Variants in UTP6 observed in about 807,000 individuals in gnomAD.
UTP6 encodes the protein UTP6 small subunit processome component, also known as U3 small nucleolar RNA-associated protein 6 homolog.
UTP6 carries 60 observed loss-of-function variants against 96.5 expected under a neutral mutation model. That is an observed-to-expected ratio of 0.62 (90% confidence interval 0.51 to 0.77). The LOEUF (loss-of-function observed/expected upper bound fraction) is 0.77. UTP6 is among the 30% of genes least tolerant of loss of function. The pLI is 0.00. For synonymous variants in UTP6, 215 were observed against 240.1 expected (o/e 0.90, Z 0.96); for missense variants, 637 against 706.5 (o/e 0.90, Z 1.12).
chr17:31,899,717 T>C lies in UTP6; in HGVS notation c.106A>G (p.Lys36Glu), dbSNP rs1265526094. 1 of 1,597,720 alleles carries C rather than the reference T, an allele frequency of 6.3e-7. No individual in the cohort carries two copies. Among genetic ancestry groups the C allele is most frequent in the Non-Finnish European group, 8.5e-7 (1 of 1,172,224 alleles). ...SHAEIKAIIK[K>E]ASDLEYKIQR... The stretch of plus-strand genomic sequence containing the variant: ...ATTTTGTACTCTAGATCGGAAGCCT[T>C]CTTAATGATAGCCCTGAGGAGAAAG... Residue 36 changes from lysine to glutamate, a missense_variant, in exon 2 of 19, where the codon AAG becomes GAG. By Grantham distance (56) the Lys-to-Glu change is moderately conservative. Coordinates refer to ENST00000261708, the MANE Select transcript of UTP6 (RefSeq NM_018428.3).
Position 31,863,529 on chromosome 17 carries a change from A to C in UTP6, c.1637-13T>G, listed in dbSNP as rs770494028. On this transcript the variant is annotated splice_polypyrimidine_tract_variant and intron_variant, in intron 18 of 18. Transcript: ENST00000261708. ...TCCATCCAAAGATCTTTTAAAAAAA[A>C]AACATACAATTAGATAACTGACAGA... The C allele has an allele frequency of 6.3e-7, 1 of 1,591,564 alleles. No homozygotes were observed. The highest frequency in any genetic ancestry group is 8.5e-7 in the Non-Finnish European group (1 of 1,171,216).
intron 16 of UTP6, among the ~76,000 whole-genome samples, chr17:31,871,088 C>A (rs908422856): frequency 4.5e-4 from 68 of 151,362 alleles, no homozygotes; most frequent in African/African-American, 1.6e-3. Flanking sequence ...CTCCCAGGTT[C>A]ACGCCATGCT....
chr17:31,885,956 A>C, intron 9 of UTP6, 24 bp downstream of exon 9: 2 of 1,591,898 alleles, frequency 1.3e-6, no homozygotes, highest in Non-Finnish European at 1.7e-6. Context: ...TTCCTACCAA[A>C]AATAATGTTC....
In UTP6 at chr17:31,878,721, C is replaced by T; in HGVS notation, c.1028G>A (p.Ser343Asn). 6.2e-7 allele frequency: 1 copy of T among 1,614,156 alleles called. No individual in the cohort carries two copies. Residue 343 changes from serine (S) to asparagine (N), a missense_variant, in exon 12 of 19, where the codon AGT (serine) becomes AAT (asparagine). Coordinates refer to ENST00000261708, the MANE Select transcript of UTP6 (RefSeq NM_018428.3). Reference protein sequence around the residue: ...CLERFTKKSNSGFLRGKRLER... With the variant: ...CLERFTKKSNNGFLRGKRLER... The stretch of plus-strand genomic sequence containing the variant: ...CCTCACCTTCCCTCTAAGGAACCCA[C>T]TATTTGACTTCTTAGTAAATCTTTC...
At position 31,878,239 on chromosome 17, in the gene UTP6, T is replaced by C. The variant is rs2142301804; in HGVS notation, c.1125+11A>G. On this transcript the variant is annotated intron_variant, in intron 13 of 18. Coordinates refer to ENST00000261708, the MANE Select transcript of UTP6 (RefSeq NM_018428.3). ...TGTAACTGGCACAGAATATTTTCTC[T>C]ATGTTCTTACCAACTGCTTGTATTG... The C allele has an allele frequency of 1.2e-6, 2 of 1,613,584 alleles. No individual in the cohort carries two copies. The highest frequency in any genetic ancestry group is 1.7e-6 in the Non-Finnish European group (2 of 1,179,542).
chr17:31,870,118 A>C (rs1181060508), intron 16 of UTP6, among the ~76,000 whole-genome samples: 1 of 152,156 alleles, frequency 6.6e-6, no homozygotes, highest in East Asian at 1.9e-4. Flanking sequence ...ACTATTGTGA[A>C]TAGTGCTGTG....
rs1337697067 is a variant in UTP6, at chr17:31,862,343, C to T, written c.*1016G>A. ...AGAGGATTAGTAAAATATATTATGG[C>T]TCATTTTTACAATGTAATGTTACGA... On this transcript the variant is annotated 3_prime_UTR_variant, in exon 19 of 19. Transcript: ENST00000261708. 1 of 151,958 alleles carries T rather than the reference C, an allele frequency of 6.6e-6. No homozygotes were observed. The highest frequency in any genetic ancestry group is 1.5e-5 in the Non-Finnish European group (1 of 67,996). The allele number at this position is 151,958 out of a possible 1,614,324, so 9.4% of individuals were successfully genotyped here. A position where few individuals can be genotyped will look rare whatever the true frequency, so the allele number is the denominator to read the frequency against.
Position 31,875,535 on chromosome 17 carries a change from A to G in UTP6, c.1126-122T>C, listed in dbSNP as rs541217238. On this transcript the variant is annotated intron_variant, in intron 13 of 18. Coordinates refer to ENST00000261708, the MANE Select transcript of UTP6 (RefSeq NM_018428.3). ...CAACCTTTCCACTACAATTTAAAAT[A>G]AAAAAGAGGCCAGGTGTGGTGGCTC... is the stretch of plus-strand genomic sequence containing the variant. The G allele has an allele frequency of 9.5e-5, 113 of 1,186,840 alleles. No homozygotes were observed. The African/African-American group carries it at 1.7e-3, about 18-fold the overall frequency. The allele number at this position is 1,186,840 out of a possible 1,614,324, so 73.5% of individuals were successfully genotyped here.
intron 2 of UTP6, among the ~76,000 whole-genome samples, chr17:31,896,491 GC>G (rs1432616120): frequency 6.6e-6 from 1 of 151,932 alleles, no homozygotes; most frequent in East Asian, 1.9e-4. Flanking sequence ...CACATGATTT[GC>G]CCATTTTTCT....
chr17:31,878,614 T>G, intron 12 of UTP6, 88 bp downstream of exon 12: 1 of 1,257,470 alleles, frequency 8.0e-7, no homozygotes, highest in Non-Finnish European at 1.1e-6. Context: ...TCTCAGAAAC[T>G]GTGCCAGACA....
intron 10 of UTP6, among the ~76,000 whole-genome samples, chr17:31,883,405 T>C (rs1347116543): frequency 6.6e-6 from 1 of 150,400 alleles, no homozygotes; most frequent in Non-Finnish European, 1.5e-5. Flanking sequence ...AACCTCCACC[T>C]CCCGGCTTCA....
chr17:31,892,322 G>C lies in UTP6; in HGVS notation c.362C>G (p.Ala121Gly), dbSNP rs1000788390. Residue 121 changes from alanine (A) to glycine (G), a missense_variant and splice_region_variant, in exon 6 of 19, where the codon GCT becomes GGT. Coordinates refer to ENST00000261708, the MANE Select transcript of UTP6 (RefSeq NM_018428.3). ...LSYVAFCKKW[A>G]TKTRLSKVFS... ...TACCTTGCTAAGTCGAGTTTTAGTAGCCTGTAAAAAAGGAAAATATTTCTA... is the reference window on the plus strand; with the variant it reads ...TACCTTGCTAAGTCGAGTTTTAGTACCCTGTAAAAAAGGAAAATATTTCTA... 1 of 1,613,922 alleles carries C rather than the reference G, an allele frequency of 6.2e-7. No homozygotes were observed. The highest frequency in any genetic ancestry group is 1.7e-5 in the Admixed American group (1 of 60,014).
chr17:31,896,659 G>C (rs1483211152), intron 2 of UTP6, among the ~76,000 whole-genome samples: 1 of 98,082 alleles, frequency 1.0e-5, no homozygotes, highest in South Asian at 2.8e-4. Context: ...TTTTTTTTTT[G>C]AGACAGGGTC....
intron 12 of UTP6, 71 bp downstream of exon 12, chr17:31,878,631 G>T: frequency 7.0e-7 from 1 of 1,418,534 alleles, no homozygotes; most frequent in Non-Finnish European, 9.9e-7. Flanking sequence ...GACACCAAAA[G>T]ATCTGTGCTT....
intron 2 of UTP6, among the ~76,000 whole-genome samples, chr17:31,896,643 A>AT (rs147716521): frequency 0.076 from 11,133 of 146,806 alleles, 693 homozygotes; most frequent in African/African-American, 0.18. Flanking sequence ...CACAGAAAAA[A>AT]ATTTTTTTTT....
At chr17:31,898,817 G>T (rs1378156915) in intron 2 of UTP6, among the ~76,000 whole-genome samples, 1 of 152,184 alleles carries the variant, frequency 6.6e-6, no homozygotes, top group Non-Finnish European at 1.5e-5. Context: ...GATGCTGGTG[G>T]ATTGCTTGAG....
rs978593411 is a variant in UTP6, at chr17:31,861,619, A to C, written c.*1740T>G. On this transcript the variant is annotated 3_prime_UTR_variant, in exon 19 of 19. Transcript: ENST00000261708. ...GACAAAGCAAGAACTTGTCCAATTT[A>C]AAAAAAAAAATTAACTCATAAATTA... The C allele has an allele frequency of 1.3e-5, 2 of 149,488 alleles. No individual in the cohort carries two copies. Among genetic ancestry groups the C allele is most frequent in the Non-Finnish European group, 3.0e-5 (2 of 66,906 alleles). The allele number at this position is 149,488 out of a possible 1,614,324, so 9.3% of individuals were successfully genotyped here.
At position 31,880,576 on chromosome 17, in the gene UTP6, T is replaced by C. The variant is rs1910767978; in HGVS notation, c.964A>G (p.Thr322Ala). 6.2e-7 allele frequency: 1 copy of C among 1,614,162 alleles called. No individual in the cohort carries two copies. The highest frequency in any genetic ancestry group is 8.5e-7 in the Non-Finnish European group (1 of 1,180,004). Residue 322 changes from threonine to alanine, a missense_variant, in exon 11 of 19, where the codon ACA (threonine) becomes GCA (alanine). Thr to Ala is a moderately conservative substitution (Grantham distance 58). Transcript: ENST00000261708. ...ACCATGGTTTGGTGAAGTTCACCTG[T>C]TGGCAGAGTCTTCACTGCCTCTTCA... Reference protein sequence around the residue: ...VYEEAVKTLPTEAMWKCYITF... With the variant: ...VYEEAVKTLPAEAMWKCYITF...
chr17:31,885,337 G>A (rs958795496), intron 9 of UTP6, among the ~76,000 whole-genome samples: 1 of 151,242 alleles, frequency 6.6e-6, no homozygotes, highest in Non-Finnish European at 1.5e-5. Context: ...TAGAAATGGG[G>A]TTTCACCATG....
Sources: gnomAD v4.1 joint callset for allele counts (sites outside exome capture counted in the v4.1 genomes callset) on GRCh38, gnomAD v4.1.1 for gene constraint, MANE v1.5 for transcripts, NCBI Gene and HGNC (gene_info 2026-07-23, HGNC 2026-07-21) for gene names.